The following CSMD1 variants were observed in gnomAD, a reference collection of about 807,000 sequenced individuals.
CSMD1 encodes the protein CUB and Sushi multiple domains 1.
CSMD1 carries 213 observed loss-of-function variants against 417.5 expected under a neutral mutation model. The observed-to-expected ratio is 0.51, with a 90% CI of 0.46 to 0.57. CSMD1 has a LOEUF of 0.57. Among genes scored for constraint, CSMD1 ranks in the 20% least tolerant of loss-of-function variants. CSMD1 has a pLI of 0.00. For synonymous variants in CSMD1, 2,862 were observed against 1,736.8 expected (o/e 1.65, Z -16.11); for missense variants, 6,923 against 4,529.7 (o/e 1.53, Z -15.17).
chr8:4,612,488 T>C (rs1297632082), intron 2 of CSMD1, among the ~76,000 whole-genome samples: 1 of 152,182 alleles, frequency 6.6e-6, no homozygotes, highest in Non-Finnish European at 1.5e-5. Context: ...CACATGGAGA[T>C]GACCACAACA....
intron 3 of CSMD1, among the ~76,000 whole-genome samples, chr8:4,405,424 G>C (rs1804940653): frequency 6.6e-6 from 1 of 151,872 alleles, no homozygotes; most frequent in Non-Finnish European, 1.5e-5. Flanking sequence ...CTTAACCTCA[G>C]TTGTCAATTG....
At position 3,671,587 on chromosome 8, in the gene CSMD1, ATATATATG is replaced by A. The variant is rs1255467725; in HGVS notation, c.1009+36819_1009+36826del. 2.1e-3 allele frequency among the ~76,000 whole-genome samples: 238 copies of A among 111,284 alleles called. 13 individuals are homozygous for A. Among genetic ancestry groups the A allele is most frequent in the Middle Eastern group, 8.8e-3 (2 of 228 alleles). 73.0% of individuals were successfully genotyped at this position (111,284 alleles called of 152,430 possible). ...TATATATATATATATATATATATAT[ATATATATG>A]ATTAGTTCTATCTCTTTAGATAACC... On this transcript the variant is annotated intron_variant, in intron 7 of 69. Coordinates refer to ENST00000635120, the MANE Select transcript of CSMD1 (RefSeq NM_033225.6).
At chr8:3,893,339 T>TTATATATGTGTATATATATATATATATA (rs1231999334) in intron 5 of CSMD1, among the ~76,000 whole-genome samples, 2 of 80,460 alleles carry the variant, frequency 2.5e-5, no homozygotes, top group South Asian at 5.4e-4. Flanking sequence ...ATTCACAATT[T>TTATATATGTGTATATATATATATATATA]TATATATATA....
chr8:4,174,537 C>G (rs969778069), intron 3 of CSMD1, among the ~76,000 whole-genome samples: 2 of 150,848 alleles, frequency 1.3e-5, no homozygotes, highest in Non-Finnish European at 2.9e-5. Context: ...GTCCACCCAC[C>G]TCTCAAAAGA....
At chr8:4,765,728 A>G (rs945529344) in intron 1 of CSMD1, among the ~76,000 whole-genome samples, 15 of 152,282 alleles carry the variant, frequency 9.9e-5, no homozygotes, top group Middle Eastern at 3.4e-3. Context: ...AGGCATCAAG[A>G]GGAGGAATTT....
In CSMD1 at chr8:3,496,180, T is replaced by C. The variant is rs982326068; in HGVS notation, c.1345-2454A>G. Reference sequence around the variant, plus strand: ...GGTGTTTGGTTTTCTACTCCTGCCATTTTTCTTAAGTGCCTGCTTAATGTT... The same window carrying C: ...GGTGTTTGGTTTTCTACTCCTGCCACTTTTCTTAAGTGCCTGCTTAATGTT... On this transcript the variant is annotated intron_variant, in intron 10 of 69. Coordinates refer to ENST00000635120, the MANE Select transcript of CSMD1 (RefSeq NM_033225.6). Among the ~76,000 whole-genome samples the C allele has an allele frequency of 1.8e-4, 28 of 152,206 alleles. 1 individual carries two copies. Among genetic ancestry groups the C allele is most frequent in the Non-Finnish European group, 1.5e-5 (1 of 68,038 alleles).
At chr8:4,952,982 A>T (rs1478209112) in intron 1 of CSMD1, among the ~76,000 whole-genome samples, 1 of 152,180 alleles carries the variant, frequency 6.6e-6, no homozygotes, top group Non-Finnish European at 1.5e-5. Flanking sequence ...TTTTTATTCC[A>T]CATCCATGCA....
chr8:4,011,171 C>T (rs1340899276), intron 4 of CSMD1, among the ~76,000 whole-genome samples: 2 of 152,110 alleles, frequency 1.3e-5, no homozygotes, highest in African/African-American at 4.8e-5. Context: ...AATATCTTTC[C>T]TGCAAATATT....
intron 3 of CSMD1, among the ~76,000 whole-genome samples, chr8:4,223,166 A>T (rs982628757): frequency 3.3e-5 from 5 of 151,294 alleles, no homozygotes; most frequent in African/African-American, 1.2e-4. Flanking sequence ...CACCCAGAGG[A>T]GCCTCCGGGA....
chr8:4,515,429 A>G (rs1803062706), intron 2 of CSMD1, among the ~76,000 whole-genome samples: 1 of 152,204 alleles, frequency 6.6e-6, no homozygotes, highest in Non-Finnish European at 1.5e-5. Flanking sequence ...TGACAAAGTC[A>G]GGAACGCTTT....
intron 3 of CSMD1, among the ~76,000 whole-genome samples, chr8:4,035,580 T>A (rs773638147): frequency 1.3e-5 from 2 of 152,152 alleles, no homozygotes; most frequent in Non-Finnish European, 2.9e-5. Context: ...GGGTGTGTGT[T>A]TGAGTCTTAA....
chr8:4,797,549 A>G (rs1038969783), intron 1 of CSMD1, among the ~76,000 whole-genome samples: 2 of 152,220 alleles, frequency 1.3e-5, no homozygotes, highest in Non-Finnish European at 2.9e-5. Context: ...ACCTGACCTA[A>G]TAGCAAAAAT....
chr8:3,459,165 T>G (rs1816337189), intron 12 of CSMD1, among the ~76,000 whole-genome samples: 1 of 152,236 alleles, frequency 6.6e-6, no homozygotes, highest in Non-Finnish European at 1.5e-5. Context: ...ACACGTGATC[T>G]GGAAGAGGGG....
In CSMD1 at chr8:2,937,450, AAAC is replaced by A. The variant is rs199569740; in HGVS notation, c.*1132_*1134del. 8 of 85,670 alleles carry A rather than the reference AAAC, an allele frequency of 9.3e-5. No homozygotes were observed. Among genetic ancestry groups the A allele is most frequent in the South Asian group, 4.0e-4 (1 of 2,522 alleles). 5.3% of individuals were successfully genotyped at this position (85,670 alleles called of 1,614,324 possible). On this transcript the variant is annotated 3_prime_UTR_variant, in exon 70 of 70. Coordinates refer to ENST00000635120, the MANE Select transcript of CSMD1 (RefSeq NM_033225.6). ...CACAGTAAAAGACAAAAAAAAAAAA[AAAC>A]AAAAAAAAAACACTGCAAAAGGGAA... is the stretch of plus-strand genomic sequence containing the variant.
intron 1 of CSMD1, among the ~76,000 whole-genome samples, chr8:4,726,692 A>T (rs527355812): frequency 6.6e-6 from 1 of 152,172 alleles, no homozygotes; most frequent in Non-Finnish European, 1.5e-5. Flanking sequence ...CTATTTCATC[A>T]GTTCTAATTT....
intron 18 of CSMD1, among the ~76,000 whole-genome samples, chr8:3,372,035 A>G (rs181134585): frequency 2.4e-3 from 358 of 152,340 alleles, no homozygotes; most frequent in African/African-American, 8.2e-3. Context: ...GTTGGAAAAG[A>G]CAGGATAAAA....
At chr8:3,360,521 T>C (rs1022247576) in intron 20 of CSMD1, among the ~76,000 whole-genome samples, 2 of 152,184 alleles carry the variant, frequency 1.3e-5, no homozygotes, top group African/African-American at 4.8e-5. Flanking sequence ...AATGCCCAGT[T>C]TTGTCAGATA....
At chr8:3,477,455 C>T (rs1007879876) in intron 11 of CSMD1, among the ~76,000 whole-genome samples, 2 of 152,206 alleles carry the variant, frequency 1.3e-5, no homozygotes, top group Non-Finnish European at 2.9e-5. Flanking sequence ...TAAGTGACTA[C>T]TTGCCTTAAT....
intron 3 of CSMD1, among the ~76,000 whole-genome samples, chr8:4,248,449 T>A (rs1437041433): frequency 6.6e-6 from 1 of 152,154 alleles, no homozygotes; most frequent in Non-Finnish European, 1.5e-5. Context: ...AAGATCCTAA[T>A]TAAAAGTAAA....
Sources: gnomAD v4.1 joint callset for allele counts (sites outside exome capture counted in the v4.1 genomes callset) on GRCh38, gnomAD v4.1.1 for gene constraint, MANE v1.5 for transcripts, NCBI Gene and HGNC (gene_info 2026-07-23, HGNC 2026-07-21) for gene names.